Variants in INPP4B observed in about 807,000 individuals in gnomAD.
INPP4B encodes inositol polyphosphate-4-phosphatase type II B.
A neutral mutation model predicts 122.5 loss-of-function variants in INPP4B; 55 were observed. The observed-to-expected ratio is 0.45, with a 90% CI of 0.36 to 0.56. The LOEUF is 0.56. Ranked by LOEUF, INPP4B falls within the 20% of genes least tolerant of loss-of-function variation. The pLI is 0.00. For missense variants in INPP4B, 1,000 were observed against 1,097.7 expected, an observed-to-expected ratio of 0.91 and a Z score of 1.26; for synonymous variants, 403 against 388.7, an observed-to-expected ratio of 1.04 and a Z score of -0.43.
chr4:142,651,212 G>A (rs2150535389), intron 2 of INPP4B, among the ~76,000 whole-genome samples: 1 of 152,196 alleles, frequency 6.6e-6, no homozygotes, highest in Non-Finnish European at 1.5e-5. Flanking sequence ...CTGGGACACA[G>A]CTAAAGCCAT....
intron 25 of INPP4B, among the ~76,000 whole-genome samples, chr4:142,074,823 C>T (rs1362596474): frequency 1.3e-5 from 2 of 152,038 alleles, no homozygotes; most frequent in Admixed American, 1.3e-4. Context: ...AATCACTTGA[C>T]AAGTGTGATG....
At chr4:142,272,507 T>A (rs1174837794) in intron 9 of INPP4B, among the ~76,000 whole-genome samples, 4 of 152,070 alleles carry the variant, frequency 2.6e-5, no homozygotes, top group Admixed American at 6.5e-5. Flanking sequence ...GAAATTATAA[T>A]GTTGATTCAG....
chr4:142,714,908 C>G lies in INPP4B; in HGVS notation c.-191+10931G>C, dbSNP rs1294286510. ...ATCAGACTGGACTGAAAAACAGAAA[C>G]TAATGTTAATAAGAAATGTTATTAT... On this transcript the variant is annotated intron_variant, in intron 2 of 25. Transcript: ENST00000262992. Among the ~76,000 whole-genome samples, 3 of 152,058 alleles carry G rather than the reference C, an allele frequency of 2.0e-5. No homozygotes were observed. The South Asian group carries it at 6.2e-4, about 32-fold the overall frequency.
rs28583928 is a variant in INPP4B at position 142,300,210 on chromosome 4, T to C, written c.503+5248A>G. Among the ~76,000 whole-genome samples, 692 of 152,306 alleles carry C rather than the reference T, an allele frequency of 4.5e-3. 5 individuals carry two copies. The highest frequency in any genetic ancestry group is 0.016 in the African/African-American group (652 of 41,570). On this transcript the variant is annotated intron_variant, in intron 9 of 25. Transcript: ENST00000262992. ...TTTCAATCCACTGCCCTGTGGCCTA[T>C]AAAACATGCCTGGCCTCCCAACCTG... is the stretch of plus-strand genomic sequence containing the variant.
intron 1 of INPP4B, among the ~76,000 whole-genome samples, chr4:142,784,382 A>C (rs556650442): frequency 1.4e-5 from 2 of 147,530 alleles, no homozygotes. Context: ...TAAATAAATA[A>C]ATAAATAAAT....
rs371543982 is a variant in INPP4B at position 142,123,428 on chromosome 4, T to C, written c.1894-13A>G. 6.2e-7 allele frequency: 1 copy of C among 1,605,998 alleles called. No homozygotes were observed. On this transcript the variant is annotated splice_polypyrimidine_tract_variant and intron_variant, in intron 19 of 25. Coordinates refer to ENST00000262992, the MANE Select transcript of INPP4B (RefSeq NM_001101669.3). ...CCAATCCAGCAAGCTGAAAAAAAAA[T>C]ATTGATGAGATTTACTGCAGTTAGC...
At chr4:142,846,349 C>G (rs971080578), upstream of INPP4B, 3 of 152,300 alleles carry the variant, frequency 2.0e-5, no homozygotes, top group Non-Finnish European at 4.4e-5. This position sits in a 1 kb window ranked among gnomAD's most constrained non-coding sequence, Gnocchi z 5.1. Context: ...AGCCTCAGTA[C>G]CCGGGGCTGA....
rs536816049 is a variant in INPP4B at position 142,662,910 on chromosome 4, A to G, written c.-191+62929T>C. 3.3e-5 allele frequency among the ~76,000 whole-genome samples: 5 copies of G among 152,326 alleles called. No homozygotes were observed. The South Asian group carries it at 1.0e-3, about 32-fold the overall frequency. On this transcript the variant is annotated intron_variant, in intron 2 of 25. Transcript: ENST00000262992. ...AGAAATAGTTATAATCTTAAAATAC[A>G]TGGGCTGGTCTCATAATTAAAATGC...
chr4:142,711,342 T>G (rs1763096843), intron 2 of INPP4B, among the ~76,000 whole-genome samples: 1 of 152,164 alleles, frequency 6.6e-6, no homozygotes, highest in African/African-American at 2.4e-5. Flanking sequence ...TATAGAATAC[T>G]TTATACTTAT....
At chr4:142,547,261 G>C (rs771974436) in intron 2 of INPP4B, among the ~76,000 whole-genome samples, 1 of 151,900 alleles carries the variant, frequency 6.6e-6, no homozygotes. Context: ...AGTATTTCTG[G>C]AGTCTGAGGT....
intron 2 of INPP4B, among the ~76,000 whole-genome samples, chr4:142,529,988 C>T (rs1305919925): frequency 1.3e-5 from 2 of 152,050 alleles, no homozygotes; most frequent in African/African-American, 4.8e-5. Flanking sequence ...TGTTCATAGT[C>T]TTCTGAAAGC....
intron 22 of INPP4B, among the ~76,000 whole-genome samples, chr4:142,111,749 T>TA (rs1790238872): frequency 6.6e-6 from 1 of 151,996 alleles, no homozygotes; most frequent in Admixed American, 6.6e-5. Flanking sequence ...GATTTTTTTT[T>TA]ATTTCTTTTT....
intron 1 of INPP4B, among the ~76,000 whole-genome samples, chr4:142,779,277 AT>A (rs1047568302): frequency 3.9e-5 from 6 of 152,028 alleles, no homozygotes; most frequent in East Asian, 1.9e-4. Flanking sequence ...GTTGAATGAT[AT>A]TTTTTAGGGT....
chr4:142,357,648 A>T (rs1025116591), intron 7 of INPP4B, among the ~76,000 whole-genome samples: 1 of 151,730 alleles, frequency 6.6e-6, no homozygotes, highest in African/African-American at 2.4e-5. Context: ...CAACATGAGT[A>T]CTGAATAAGA....
At chr4:142,211,677 T>A (rs1844956429) in intron 12 of INPP4B, among the ~76,000 whole-genome samples, 1 of 152,202 alleles carries the variant, frequency 6.6e-6, no homozygotes, top group South Asian at 2.1e-4. Context: ...GAATAGTTAG[T>A]CAGAGGGACA....
At chr4:142,478,039 G>T (rs536263694) in intron 2 of INPP4B, among the ~76,000 whole-genome samples, 2 of 152,292 alleles carry the variant, frequency 1.3e-5, no homozygotes, top group East Asian at 3.9e-4. Context: ...GTGAGCTCAA[G>T]CAATCCGCTC....
chr4:142,320,085 G>A lies in INPP4B; in HGVS notation c.373-5323C>T, dbSNP rs28721428. Among the ~76,000 whole-genome samples, 560 of 152,240 alleles carry A rather than the reference G, an allele frequency of 3.7e-3. 1 individual carries two copies. Among genetic ancestry groups the A allele is most frequent in the African/African-American group, 0.013 (532 of 41,534 alleles). On this transcript the variant is annotated intron_variant, in intron 7 of 25. Transcript: ENST00000262992. ...CTTGAACTGTGGTCTTCATTTTCTT[G>A]ATGGCTGTTCACAGGAGGATGCTCT...
chr4:142,369,588 A>AAAAT, intron 7 of INPP4B, among the ~76,000 whole-genome samples: 1 of 39,158 alleles, frequency 2.6e-5, no homozygotes, highest in South Asian at 8.6e-4. Flanking sequence ...AAAATTAAAA[A>AAAAT]AATAAATAAA....
intron 1 of INPP4B, among the ~76,000 whole-genome samples, chr4:142,810,746 G>C (rs1480529864): frequency 6.6e-6 from 1 of 152,134 alleles, no homozygotes; most frequent in Non-Finnish European, 1.5e-5. Context: ...ACATAAGGCT[G>C]TTATTAGTCT....
Sources: allele counts gnomAD v4.1 joint callset (sites outside exome capture counted in the v4.1 genomes callset), GRCh38; gene constraint gnomAD v4.1.1; non-coding constraint Gnocchi (gnomAD v3.1); transcripts MANE v1.5; gene names NCBI Gene and HGNC (gene_info 2026-07-23, HGNC 2026-07-21).